The following CREB5 variants were observed in gnomAD, a reference collection of about 807,000 sequenced individuals.
CREB5 encodes cAMP responsive element binding protein 5, also known as cyclic AMP-responsive element-binding protein 5.
A neutral mutation model predicts 57.1 loss-of-function variants in CREB5; 19 were observed. The ratio of observed to expected loss-of-function variants is 0.33; its 90% CI spans 0.23 to 0.49. The LOEUF (loss-of-function observed/expected upper bound fraction) is 0.49, where lower values mean the gene tolerates loss of function less well. Among genes scored for constraint, CREB5 ranks in the 20% least tolerant of loss-of-function variants. The probability of loss-of-function intolerance (pLI) is 0.99; values close to 1 mark genes in which losing one functional copy is unlikely to be tolerated. For synonymous variants in CREB5, 238 were observed against 238.3 expected, an observed-to-expected ratio of 1.00 and a Z score of 0.01; for missense variants, 579 against 671.6, an observed-to-expected ratio of 0.86 and a Z score of 1.52.
intron 5 of CREB5, among the ~76,000 whole-genome samples, chr7:28,663,514 C>G (rs762616268): frequency 4.6e-5 from 7 of 152,086 alleles, no homozygotes; most frequent in Non-Finnish European, 1.0e-4. Context: ...CCAGCTGTCC[C>G]CTTTTGAGTG....
intron 1 of CREB5, among the ~76,000 whole-genome samples, chr7:28,381,925 G>T (rs979803016): frequency 2.0e-5 from 3 of 152,180 alleles, no homozygotes; most frequent in African/African-American, 7.2e-5. Context: ...ACGGGAATTG[G>T]CTCACTTGAT....
chr7:28,603,058 G>A (rs962958149), intron 5 of CREB5, among the ~76,000 whole-genome samples: 2 of 152,112 alleles, frequency 1.3e-5, no homozygotes, highest in African/African-American at 4.8e-5. Context: ...CAAGAATTAA[G>A]GATTTGTTTA....
rs559303963 is a variant in CREB5, at chr7:28,314,720, A to G, written c.-25+15279A>G. ...CCAGAAGGGCACTTCCTGAAGGGGA[A>G]TCTTGCTCCAGGTCCCCAGTGTCTC... On this transcript the variant is annotated intron_variant, in intron 1 of 9. Coordinates refer to the CREB5 transcript ENST00000396299. Among the ~76,000 whole-genome samples the G allele has an allele frequency of 7.9e-5, 12 of 152,298 alleles. No homozygotes were observed. In the East Asian group the frequency reaches 2.1e-3, roughly 27 times the overall value.
At chr7:28,681,490 C>T (rs1800588612) in intron 5 of CREB5, among the ~76,000 whole-genome samples, 2 of 152,066 alleles carry the variant, frequency 1.3e-5, no homozygotes, top group African/African-American at 4.8e-5. Context: ...CACCTCAGCC[C>T]CAGTAGCAGG....
At chr7:28,516,119 C>CA (rs1792937751) in intron 4 of CREB5, among the ~76,000 whole-genome samples, 1 of 151,972 alleles carries the variant, frequency 6.6e-6, no homozygotes, top group African/African-American at 2.4e-5. Context: ...GAGGCTGAGG[C>CA]AGGAGGGTTG....
At chr7:28,383,655 G>A (rs925296722) in intron 1 of CREB5, among the ~76,000 whole-genome samples, 2 of 152,148 alleles carry the variant, frequency 1.3e-5, no homozygotes, top group Non-Finnish European at 2.9e-5. Context: ...TCACTATTGT[G>A]AGTACAGCAT....
chr7:28,410,049 C>T, upstream of CREB5: 2 of 436,602 alleles, frequency 4.6e-6, no homozygotes, highest in African/African-American at 2.1e-5. Flanking sequence ...GCGAGGACGC[C>T]GGGTCACCTA....
chr7:28,790,654 T>C (rs1375400152), intron 7 of CREB5, among the ~76,000 whole-genome samples: 1 of 152,258 alleles, frequency 6.6e-6, no homozygotes, highest in African/African-American at 2.4e-5. Context: ...AGCTCACTTA[T>C]CGTGGACATG....
At chr7:28,488,879 A>G (rs139595201) in intron 2 of CREB5, among the ~76,000 whole-genome samples, 1 of 152,336 alleles carries the variant, frequency 6.6e-6, no homozygotes, top group Admixed American at 6.5e-5. Context: ...TCTGCACACA[A>G]TACGAGCTCA....
intron 1 of CREB5, among the ~76,000 whole-genome samples, chr7:28,420,367 T>C (rs1349451675): frequency 6.6e-6 from 1 of 152,218 alleles, no homozygotes; most frequent in Non-Finnish European, 1.5e-5. Flanking sequence ...ATTTAGAAGA[T>C]ATTTTAGGAG....
intron 7 of CREB5, among the ~76,000 whole-genome samples, chr7:28,748,713 G>A (rs907753105): frequency 6.6e-6 from 1 of 152,110 alleles, no homozygotes; most frequent in African/African-American, 2.4e-5. Context: ...GAGTTACCAC[G>A]GCATGCCAGT....
intron 5 of CREB5, among the ~76,000 whole-genome samples, chr7:28,715,513 A>G (rs1802637775): frequency 6.6e-6 from 1 of 152,234 alleles, no homozygotes; most frequent in Admixed American, 6.5e-5. Context: ...ATATACATGA[A>G]GGGAATTAGA....
At chr7:28,587,444 C>T (rs1053108981) in intron 5 of CREB5, among the ~76,000 whole-genome samples, 2 of 150,456 alleles carry the variant, frequency 1.3e-5, no homozygotes, top group Middle Eastern at 6.9e-3. Flanking sequence ...TGTTTGGGAA[C>T]ATGTGTTAAT....
rs938070452 is a variant in CREB5, at chr7:28,598,348, A to G, written c.464+27811A>G. On this transcript the variant is annotated intron_variant, in intron 5 of 10. Coordinates refer to ENST00000357727, the MANE Select transcript of CREB5 (RefSeq NM_182898.4). ...TCCAATTAAACCTCTTTTTCTTCCC[A>G]GTCTTGAGTATGTCTTTATCAGCAG... Among the ~76,000 whole-genome samples, 6 of 152,116 alleles carry G rather than the reference A, an allele frequency of 3.9e-5. No homozygotes were observed. The South Asian group carries it at 8.3e-4, about 21-fold the overall frequency.
rs377337236 is a variant in CREB5 at position 28,498,153 on chromosome 7, T to C, written c.169+3154T>C. On this transcript the variant is annotated intron_variant, in intron 3 of 10. Coordinates refer to ENST00000357727, the MANE Select transcript of CREB5 (RefSeq NM_182898.4). ...AACAAACATGCTCATTAAAATTTTA[T>C]TTACCTTATCATATTTTGTGGCCTA... Among the ~76,000 whole-genome samples, 5 of 152,320 alleles carry C rather than the reference T, an allele frequency of 3.3e-5. 1 individual carries two copies. In the East Asian group the frequency reaches 9.6e-4, roughly 29 times the overall value.
At chr7:28,455,143 A>G (rs910628125) in intron 1 of CREB5, among the ~76,000 whole-genome samples, 3 of 152,250 alleles carry the variant, frequency 2.0e-5, no homozygotes, top group Non-Finnish European at 4.4e-5. Flanking sequence ...GTCATCAGTT[A>G]CACGTTTAAT....
intron 1 of CREB5, among the ~76,000 whole-genome samples, chr7:28,427,720 C>T (rs1248713384): frequency 6.6e-6 from 1 of 152,072 alleles, no homozygotes; most frequent in Non-Finnish European, 1.5e-5. Flanking sequence ...CCCTCCTAGC[C>T]AGACTTCGCT....
At chr7:28,310,402 AG>A (rs1785255409) in intron 1 of CREB5, among the ~76,000 whole-genome samples, 1 of 152,232 alleles carries the variant, frequency 6.6e-6, no homozygotes, top group African/African-American at 2.4e-5. Flanking sequence ...AGCTCTGGAC[AG>A]AAAGCCTGGA....
At chr7:28,705,364 CA>C (rs10686098) in intron 5 of CREB5, among the ~76,000 whole-genome samples, 57 of 93,012 alleles carry the variant, frequency 6.1e-4, no homozygotes, top group East Asian at 1.6e-3. Flanking sequence ...GACTCTGACT[CA>C]AAAAAAAAAA....
Sources: allele counts gnomAD v4.1 joint callset (sites outside exome capture counted in the v4.1 genomes callset), GRCh38; gene constraint gnomAD v4.1.1; transcripts MANE v1.5; gene names NCBI Gene and HGNC (gene_info 2026-07-23, HGNC 2026-07-21).